PODXL2: variants seen among roughly 807,000 people sequenced by gnomAD.
PODXL2 encodes the protein podocalyxin-like protein 2.
In PODXL2, 17 loss-of-function variants were observed where a neutral mutation model predicts 53.4. That is an observed-to-expected ratio of 0.32 (90% CI 0.22 to 0.48). The LOEUF is 0.48. Ranked by LOEUF, PODXL2 falls within the 20% of genes least tolerant of loss-of-function variation. PODXL2 has a pLI of 0.99. For synonymous variants in PODXL2, 311 were observed against 306.7 expected, an observed-to-expected ratio of 1.01 and a Z score of -0.15; for missense variants, 673 against 760.0, an observed-to-expected ratio of 0.89 and a Z score of 1.35.
rs1156825081 is a variant in PODXL2 at position 127,671,507 on chromosome 3, C to T, written c.1499C>T (p.Thr500Met). 6.2e-6 allele frequency: 10 copies of T among 1,614,148 alleles called. No individual in the cohort carries two copies. The highest frequency in any genetic ancestry group is 1.1e-5 in the South Asian group (1 of 91,084). ...RASQVRSDYG[T>M]LFVVLVVIGA... ...AGCCAGGTGCGCAGCGACTACGGCA[C>T]GCTCTTCGTGGTGCTGGTGGTCATT... Residue 500 changes from threonine to methionine, a missense_variant, in exon 7 of 8, where the codon ACG (threonine) becomes ATG (methionine). Thr to Met is a moderately conservative substitution (Grantham distance 81). Coordinates refer to ENST00000342480, the MANE Select transcript of PODXL2 (RefSeq NM_015720.4).
chr3:127,652,444 T>TC (rs1405049666), intron 2 of PODXL2, among the ~76,000 whole-genome samples: 1 of 152,088 alleles, frequency 6.6e-6, no homozygotes, highest in African/African-American at 2.4e-5. Context: ...ATCCAGGAGG[T>TC]CCTCCAGGGC....
chr3:127,651,532 T>G (rs1264516106), intron 2 of PODXL2, among the ~76,000 whole-genome samples: 1 of 152,082 alleles, frequency 6.6e-6, no homozygotes, highest in Non-Finnish European at 1.5e-5. Flanking sequence ...TAGGGGTAAG[T>G]CAATAACACA....
At chr3:127,645,712 A>C (rs891076338) in intron 2 of PODXL2, among the ~76,000 whole-genome samples, 1 of 152,242 alleles carries the variant, frequency 6.6e-6, no homozygotes, top group Non-Finnish European at 1.5e-5. Context: ...GCATATGATT[A>C]GGACATGACA....
intron 7 of PODXL2, among the ~76,000 whole-genome samples, chr3:127,671,839 C>T (rs1459852466): frequency 6.6e-6 from 1 of 152,220 alleles, no homozygotes; most frequent in South Asian, 2.1e-4. Context: ...CAGGGGGCCC[C>T]TCCCTGGCAC....
chr3:127,654,938 T>C lies in PODXL2; in HGVS notation c.350-5440T>C, dbSNP rs927480605. ...CCCCGTCTCTACTAAAAATACAAAT[T>C]TTTCTTTCTTTCTTTTTTTTGTGAG... On this transcript the variant is annotated intron_variant, in intron 2 of 7. Coordinates refer to ENST00000342480, the MANE Select transcript of PODXL2 (RefSeq NM_015720.4). Among the ~76,000 whole-genome samples, 5 of 151,886 alleles carry C rather than the reference T, an allele frequency of 3.3e-5. No individual in the cohort carries two copies. The East Asian group carries it at 9.8e-4, about 30-fold the overall frequency.
At position 127,639,314 on chromosome 3, in the gene PODXL2, T is replaced by A; in HGVS notation, c.140T>A (p.Leu47Gln). 1 of 1,613,986 alleles carries A rather than the reference T, an allele frequency of 6.2e-7. No individual in the cohort carries two copies. ...PGPEGLTSTS[L>Q]LDLLLPTGLE... is the part of the protein sequence containing the mutation. ...CCAGAGGGCCTCACCTCCACCTCCCTGCTAGACCTCCTGCTGCCCACTGGC... is the reference window on the plus strand; with the variant it reads ...CCAGAGGGCCTCACCTCCACCTCCCAGCTAGACCTCCTGCTGCCCACTGGC... The change falls in exon 2 of 8, where the codon CTG becomes CAG. Residue 47 changes from leucine (L) to glutamine (Q), a missense_variant. Physicochemically the swap from Leu to Gln is moderately radical, Grantham distance 113. Transcript: ENST00000342480.
intron 4 of PODXL2, among the ~76,000 whole-genome samples, chr3:127,668,119 T>C (rs2074806074): frequency 6.6e-6 from 1 of 151,672 alleles, no homozygotes; most frequent in Non-Finnish European, 1.5e-5. Flanking sequence ...TGTGTGTGTG[T>C]GTGTGTGTGT....
intron 2 of PODXL2, among the ~76,000 whole-genome samples, chr3:127,656,764 C>G (rs1488137257): frequency 9.0e-6 from 1 of 110,896 alleles, no homozygotes; most frequent in African/African-American, 3.4e-5. Context: ...AAAAAAATAG[C>G]TAGGTGTGGT....
Position 127,660,720 on chromosome 3 carries a change from C to G in PODXL2, c.692C>G (p.Ser231Ter), listed in dbSNP as rs2074761097. The G allele has an allele frequency of 6.2e-7, 1 of 1,614,048 alleles. No homozygotes were observed. The highest frequency in any genetic ancestry group is 1.3e-5 in the African/African-American group (1 of 74,914). The change falls in exon 3 of 8, where the codon TCA (serine) becomes TGA (stop). Residue 231 changes from serine to a stop codon, truncating the protein, a stop_gained. Transcript: ENST00000342480. LOFTEE classifies it high-confidence loss of function. ...RHEDSGDQAS[S>*]GVEVESSMGP... ...GAAGACTCCGGGGACCAGGCCTCATCAGGTGTGGAGGTGGAGAGCAGCATG... is the reference window on the plus strand; with the variant it reads ...GAAGACTCCGGGGACCAGGCCTCATGAGGTGTGGAGGTGGAGAGCAGCATG...
intron 2 of PODXL2, among the ~76,000 whole-genome samples, chr3:127,641,012 A>G (rs988374025): frequency 2.0e-5 from 3 of 152,140 alleles, no homozygotes; most frequent in Admixed American, 2.0e-4. Context: ...TCCTGAGTTC[A>G]AGTGATTCTC....
chr3:127,663,535 C>T (rs2074779723), intron 4 of PODXL2, among the ~76,000 whole-genome samples: 1 of 152,144 alleles, frequency 6.6e-6, no homozygotes, highest in African/African-American at 2.4e-5. Flanking sequence ...GGTTGGTTTC[C>T]CCCACCATCA....
intron 2 of PODXL2, among the ~76,000 whole-genome samples, chr3:127,649,125 A>G (rs1342081802): frequency 2.0e-5 from 3 of 152,002 alleles, no homozygotes; most frequent in African/African-American, 7.3e-5. Context: ...TTTATAGGAC[A>G]TATATAAAAA....
At chr3:127,644,584 C>T (rs1475869967) in intron 2 of PODXL2, among the ~76,000 whole-genome samples, 1 of 152,192 alleles carries the variant, frequency 6.6e-6, no homozygotes, top group Non-Finnish European at 1.5e-5. Flanking sequence ...ATTTGTTGTC[C>T]TCCCCCCTCC....
intron 1 of PODXL2, among the ~76,000 whole-genome samples, chr3:127,630,011 G>C (rs2074532773): frequency 6.6e-6 from 1 of 152,166 alleles, no homozygotes; most frequent in Admixed American, 6.5e-5. Flanking sequence ...GTGTGGGTGC[G>C]TGGCGGGCTG....
chr3:127,630,254 G>C (rs1256676175), intron 1 of PODXL2, among the ~76,000 whole-genome samples: 2 of 152,206 alleles, frequency 1.3e-5, no homozygotes, highest in Non-Finnish European at 2.9e-5. Context: ...CACACTGGCA[G>C]AGCAGAGGGA....
At chr3:127,644,270 C>T (rs1428515748) in intron 2 of PODXL2, among the ~76,000 whole-genome samples, 1 of 152,054 alleles carries the variant, frequency 6.6e-6, no homozygotes, top group Non-Finnish European at 1.5e-5. Context: ...CCACCATGCC[C>T]AGCTAATTTT....
chr3:127,664,908 G>C (rs577034560), intron 4 of PODXL2, among the ~76,000 whole-genome samples: 1 of 152,104 alleles, frequency 6.6e-6, no homozygotes, highest in African/African-American at 2.4e-5. Flanking sequence ...TAGTTTCTTT[G>C]CCAGATTCAC....
chr3:127,662,091 G>A, intron 3 of PODXL2, 146 bp from the exon 4 acceptor site: 1 of 647,036 alleles, frequency 1.5e-6, no homozygotes, highest in Non-Finnish European at 2.8e-6. Context: ...GTGCCTCACA[G>A]AGGCTGTCAG....
intron 1 of PODXL2, among the ~76,000 whole-genome samples, chr3:127,630,542 G>C (rs554423958): frequency 6.6e-6 from 1 of 152,184 alleles, no homozygotes; most frequent in Non-Finnish European, 1.5e-5. Context: ...CTAGTGAAGG[G>C]TCTCTATGGG....
Sources: allele counts gnomAD v4.1 joint callset (sites outside exome capture counted in the v4.1 genomes callset), GRCh38; gene constraint gnomAD v4.1.1; transcripts MANE v1.5; gene names NCBI Gene and HGNC (gene_info 2026-07-23, HGNC 2026-07-21).